The following ANKS1B variants were observed in gnomAD, a reference collection of about 807,000 sequenced individuals.
ANKS1B encodes the protein ankyrin repeat and sterile alpha motif domain-containing protein 1B.
Under a neutral mutation model 148.3 loss-of-function variants are expected in ANKS1B, and 36 were observed. The ratio of observed to expected loss-of-function variants is 0.24; its 90% confidence interval spans 0.19 to 0.32. The LOEUF (loss-of-function observed/expected upper bound fraction) is 0.32, where lower values mean the gene tolerates loss of function less well. Among genes scored for constraint, ANKS1B ranks in the 10% least tolerant of loss-of-function variants. ANKS1B has a pLI of 1.00. For synonymous variants in ANKS1B, 542 were observed against 560.8 expected, an observed-to-expected ratio of 0.97 and a Z score of 0.47; for missense variants, 1,157 against 1,542.6, an observed-to-expected ratio of 0.75 and a Z score of 4.19.
At chr12:98,828,823 C>T (rs2099271671) in intron 19 of ANKS1B, among the ~76,000 whole-genome samples, 1 of 152,216 alleles carries the variant, frequency 6.6e-6, no homozygotes, top group African/African-American at 2.4e-5. Flanking sequence ...ACTTCTGCCC[C>T]ATTATCCAAC....
chr12:99,368,403 A>T (rs1333711385), intron 12 of ANKS1B, among the ~76,000 whole-genome samples: 1 of 152,134 alleles, frequency 6.6e-6, no homozygotes, highest in Non-Finnish European at 1.5e-5. Flanking sequence ...AGAAAAAAAT[A>T]AAATAATTAA....
intron 17 of ANKS1B, among the ~76,000 whole-genome samples, chr12:98,853,173 T>C (rs1351756773): frequency 1.3e-5 from 2 of 152,154 alleles, no homozygotes; most frequent in East Asian, 1.9e-4. Context: ...TCAGTCTTCC[T>C]AAAATATGAA....
chr12:99,743,586 G>A (rs1420089189), intron 8 of ANKS1B, among the ~76,000 whole-genome samples: 1 of 152,122 alleles, frequency 6.6e-6, no homozygotes, highest in East Asian at 1.9e-4. Context: ...GTATGTGGCT[G>A]GAGAGGTACC....
At chr12:99,567,190 C>G (rs983308048) in intron 9 of ANKS1B, among the ~76,000 whole-genome samples, 2 of 152,084 alleles carry the variant, frequency 1.3e-5, no homozygotes, top group Non-Finnish European at 1.5e-5. Flanking sequence ...AGGACTCAGG[C>G]CGTCAGTTTA....
At chr12:99,412,995 T>C (rs1200944351) in intron 11 of ANKS1B, among the ~76,000 whole-genome samples, 1 of 152,198 alleles carries the variant, frequency 6.6e-6, no homozygotes, top group African/African-American at 2.4e-5. Context: ...TCTAAAGATG[T>C]AGAACTCCTT....
At chr12:98,989,968 AAAAG>A (rs1032270467) in intron 17 of ANKS1B, among the ~76,000 whole-genome samples, 3 of 152,024 alleles carry the variant, frequency 2.0e-5, no homozygotes, top group African/African-American at 4.8e-5. Context: ...GAAAATAAAA[AAAAG>A]AAAGGAGGGA....
intron 17 of ANKS1B, among the ~76,000 whole-genome samples, chr12:98,922,126 T>C (rs1357746140): frequency 6.6e-6 from 1 of 152,238 alleles, no homozygotes; most frequent in East Asian, 1.9e-4. Flanking sequence ...GCATTTCTGT[T>C]TGAGAACTGT....
intron 16 of ANKS1B, among the ~76,000 whole-genome samples, chr12:99,065,890 C>T (rs2044131046): frequency 1.3e-5 from 2 of 152,062 alleles, no homozygotes; most frequent in African/African-American, 2.4e-5. Flanking sequence ...GTGATAAGTG[C>T]TGTGAAAAAA....
chr12:99,119,837 G>T (rs2062306154), intron 15 of ANKS1B, among the ~76,000 whole-genome samples: 1 of 152,092 alleles, frequency 6.6e-6, no homozygotes, highest in Non-Finnish European at 1.5e-5. Context: ...TATGTATAAA[G>T]AAACCAATTT....
intron 4 of ANKS1B, among the ~76,000 whole-genome samples, chr12:99,798,824 A>G (rs1241341454): frequency 6.6e-6 from 1 of 151,994 alleles, no homozygotes; most frequent in Non-Finnish European, 1.5e-5. Context: ...CCTTCACTTC[A>G]TATCAAAGGA....
intron 9 of ANKS1B, among the ~76,000 whole-genome samples, chr12:99,527,988 G>A (rs1473608194): frequency 6.6e-6 from 1 of 151,782 alleles, no homozygotes; most frequent in Non-Finnish European, 1.5e-5. Context: ...CAAGGCTACA[G>A]TAACCAAAAC....
At chr12:99,424,521 A>G (rs1311624289) in intron 11 of ANKS1B, among the ~76,000 whole-genome samples, 1 of 152,006 alleles carries the variant, frequency 6.6e-6, no homozygotes, top group Non-Finnish European at 1.5e-5. Flanking sequence ...GCTATGAAGT[A>G]AATAGACAGG....
chr12:99,252,096 G>A (rs773457467), intron 12 of ANKS1B, among the ~76,000 whole-genome samples: 4 of 152,344 alleles, frequency 2.6e-5, no homozygotes, highest in Non-Finnish European at 5.9e-5. Flanking sequence ...ATTAGGAAAT[G>A]TCTTTCTCAG....
chr12:98,739,435 G>T (rs1042830501), downstream of ANKS1B, among the ~76,000 whole-genome samples: 2 of 152,178 alleles, frequency 1.3e-5, no homozygotes, highest in African/African-American at 2.4e-5. Flanking sequence ...GGGGGAATGC[G>T]TTGGATTTGC....
chr12:98,959,423 A>G (rs1280196821), intron 17 of ANKS1B, among the ~76,000 whole-genome samples: 1 of 152,130 alleles, frequency 6.6e-6, no homozygotes, highest in East Asian at 1.9e-4. Context: ...CTTCCTGCTA[A>G]GGCCCACAGC....
chr12:99,856,131 T>G (rs946724683), intron 1 of ANKS1B, among the ~76,000 whole-genome samples: 18 of 152,066 alleles, frequency 1.2e-4, no homozygotes, highest in Admixed American at 1.2e-3. Flanking sequence ...GACAAAAAGC[T>G]GGTTCTTTGA....
chr12:98,936,698 T>C (rs778420188), intron 17 of ANKS1B, among the ~76,000 whole-genome samples: 3 of 152,158 alleles, frequency 2.0e-5, no homozygotes, highest in Non-Finnish European at 2.9e-5. Flanking sequence ...TATTCTTCAC[T>C]TGTTTCAAAT....
intron 1 of ANKS1B, among the ~76,000 whole-genome samples, chr12:99,853,839 T>G (rs1227915456): frequency 6.6e-6 from 1 of 151,750 alleles, no homozygotes; most frequent in East Asian, 1.9e-4. Flanking sequence ...AGGATATGAA[T>G]GGAAAAATCT....
chr12:99,576,241 C>T (rs1422386674), intron 9 of ANKS1B, among the ~76,000 whole-genome samples: 11 of 151,146 alleles, frequency 7.3e-5, no homozygotes, highest in Non-Finnish European at 1.3e-4. Context: ...AGAACCCAGA[C>T]TTATAAAACA....
Sources: gnomAD v4.1 joint callset for allele counts (sites outside exome capture counted in the v4.1 genomes callset) on GRCh38, gnomAD v4.1.1 for gene constraint, MANE v1.5 for transcripts, NCBI Gene and HGNC (gene_info 2026-07-23, HGNC 2026-07-21) for gene names.